XKR9: variants seen among roughly 807,000 people sequenced by gnomAD.
XKR9 encodes XK-related protein 9.
A neutral mutation model predicts 32.0 loss-of-function variants in XKR9; 32 were observed. The observed-to-expected ratio is 1.00, with a 90% CI of 0.76 to 1.34. The LOEUF (loss-of-function observed/expected upper bound fraction) is 1.34, where lower values mean the gene tolerates loss of function less well. Among genes scored for constraint, XKR9 ranks in the 40% most tolerant of loss-of-function variants. The pLI is 0.00. For missense variants in XKR9, 546 were observed against 429.7 expected, an observed-to-expected ratio of 1.27 and a Z score of -2.39; for synonymous variants, 168 against 143.4, an observed-to-expected ratio of 1.17 and a Z score of -1.22.
chr8:70,763,820 T>A (rs1226843732), intron 2 of XKR9, among the ~76,000 whole-genome samples: 1 of 152,200 alleles, frequency 6.6e-6, no homozygotes, highest in Non-Finnish European at 1.5e-5. Flanking sequence ...TTGTTGCTGG[T>A]CCTTGGGTAT....
chr8:70,870,538 A>G, the XKR9 span, among the ~76,000 whole-genome samples: 5 of 152,204 alleles, frequency 3.3e-5, no homozygotes, highest in Non-Finnish European at 7.3e-5. Flanking sequence ...ATGTGGTCTC[A>G]TAAAGTATGG....
chr8:70,687,385 C>A (rs553719274), intron 3 of XKR9, among the ~76,000 whole-genome samples: 14 of 112,810 alleles, frequency 1.2e-4, no homozygotes, highest in African/African-American at 3.8e-4. Flanking sequence ...CTCTTTCTTT[C>A]TCTTTCTCTT....
the XKR9 span, among the ~76,000 whole-genome samples, chr8:70,972,818 T>C: frequency 6.6e-6 from 1 of 152,212 alleles, no homozygotes; most frequent in Admixed American, 6.5e-5. Context: ...GAAACCCACT[T>C]GATCATGGTG....
At chr8:70,944,692 T>G in the XKR9 span, among the ~76,000 whole-genome samples, 1 of 152,148 alleles carries the variant, frequency 6.6e-6, no homozygotes, top group South Asian at 2.1e-4. Context: ...AGGGAGGATT[T>G]GAGGAGAAAA....
the XKR9 span, among the ~76,000 whole-genome samples, chr8:70,952,932 A>T: frequency 1.3e-5 from 2 of 152,224 alleles, no homozygotes; most frequent in South Asian, 4.1e-4. Flanking sequence ...CATTGCTGTG[A>T]CATCCAAGTA....
chr8:70,922,426 C>T, the XKR9 span, among the ~76,000 whole-genome samples: 17 of 152,292 alleles, frequency 1.1e-4, 1 homozygote, highest in South Asian at 1.5e-3. Context: ...TTCCAATCCC[C>T]TTTTGGGGGG....
chr8:70,814,630 C>A, the XKR9 span, among the ~76,000 whole-genome samples: 76 of 152,110 alleles, frequency 5.0e-4, no homozygotes, highest in Non-Finnish European at 9.7e-4. Context: ...AAAACCATTG[C>A]CAATATCATA....
At chr8:70,979,029 G>T in the XKR9 span, among the ~76,000 whole-genome samples, 1 of 152,022 alleles carries the variant, frequency 6.6e-6, no homozygotes, top group South Asian at 2.1e-4. Context: ...GATCAAATTG[G>T]CTACTGAAGG....
chr8:70,796,709 C>T, the XKR9 span, among the ~76,000 whole-genome samples: 2 of 152,004 alleles, frequency 1.3e-5, no homozygotes, highest in African/African-American at 2.4e-5. Flanking sequence ...AATAGAATAC[C>T]AGCTTCATTT....
chr8:70,900,817 A>G, the XKR9 span, among the ~76,000 whole-genome samples: 1 of 151,470 alleles, frequency 6.6e-6, no homozygotes, highest in Non-Finnish European at 1.5e-5. Context: ...CCTACCCCCG[A>G]CCCCACTACA....
At chr8:70,788,041 C>A (rs1807711550) in intron 2 of XKR9, among the ~76,000 whole-genome samples, 2 of 152,144 alleles carry the variant, frequency 1.3e-5, no homozygotes, top group South Asian at 4.1e-4. Flanking sequence ...CAAACTTCAA[C>A]CAATTCAATG....
the XKR9 span, among the ~76,000 whole-genome samples, chr8:70,807,441 A>G: frequency 1.3e-5 from 2 of 152,214 alleles, no homozygotes; most frequent in Non-Finnish European, 2.9e-5. Context: ...AATGGGCTAA[A>G]CGGCCCAATT....
At chr8:70,744,251 C>T (rs1038394938) in intron 2 of XKR9, among the ~76,000 whole-genome samples, 6 of 151,780 alleles carry the variant, frequency 4.0e-5, no homozygotes, top group African/African-American at 1.5e-4. Flanking sequence ...GCAGAAGCTG[C>T]AGTGAGCCGA....
the XKR9 span, among the ~76,000 whole-genome samples, chr8:70,838,082 C>G: frequency 2.0e-5 from 3 of 152,000 alleles, no homozygotes; most frequent in East Asian, 5.8e-4. Flanking sequence ...GACTTACCGA[C>G]TGCTGAAAAA....
chr8:70,819,201 C>T, the XKR9 span, among the ~76,000 whole-genome samples: 1 of 152,156 alleles, frequency 6.6e-6, no homozygotes, highest in Non-Finnish European at 1.5e-5. Context: ...TCTGTTAAAC[C>T]TTCAGCTGCC....
At chr8:70,785,872 G>T (rs2130260880) in intron 2 of XKR9, among the ~76,000 whole-genome samples, 1 of 151,230 alleles carries the variant, frequency 6.6e-6, no homozygotes, top group Admixed American at 6.6e-5. Context: ...CTCCCAGGCT[G>T]GGCTGTAGTG....
the XKR9 span, among the ~76,000 whole-genome samples, chr8:71,007,636 A>G: frequency 1.3e-5 from 2 of 152,144 alleles, no homozygotes; most frequent in Non-Finnish European, 2.9e-5. Context: ...GAGAAATAAC[A>G]AGAAAAAAAT....
chr8:70,740,985 G>T (rs1419632349), intron 2 of XKR9, among the ~76,000 whole-genome samples: 1 of 152,198 alleles, frequency 6.6e-6, no homozygotes, highest in African/African-American at 2.4e-5. Flanking sequence ...GAGAACCACT[G>T]CTCTCTTCAA....
chr8:70,905,183 G>T, the XKR9 span, among the ~76,000 whole-genome samples: 2 of 151,994 alleles, frequency 1.3e-5, no homozygotes, highest in Non-Finnish European at 1.5e-5. Context: ...GCTAGGTTGG[G>T]ATGTTCTCCT....
Sources: gnomAD v4.1 joint callset for allele counts (sites outside exome capture counted in the v4.1 genomes callset) on GRCh38, gnomAD v4.1.1 for gene constraint, MANE v1.5 for transcripts, NCBI Gene and HGNC (gene_info 2026-07-23, HGNC 2026-07-21) for gene names.